ITGB8: variants seen among roughly 807,000 people sequenced by gnomAD.
ITGB8 encodes the protein integrin beta-8.
ITGB8 carries 30 observed loss-of-function variants against 89.5 expected under a neutral mutation model. That is an observed-to-expected ratio of 0.34 (90% CI 0.25 to 0.45). The LOEUF is 0.45. Among genes scored for constraint, ITGB8 ranks in the 20% least tolerant of loss-of-function variants. The probability of loss-of-function intolerance (pLI) is 1.00; values close to 1 mark genes in which losing one functional copy is unlikely to be tolerated. For synonymous variants in ITGB8, 335 were observed against 320.4 expected (o/e 1.05, Z -0.49); for missense variants, 836 against 933.3 (o/e 0.90, Z 1.36).
chr7:20,335,426 T>G (rs1481352947), intron 1 of ITGB8, among the ~76,000 whole-genome samples: 1 of 152,206 alleles, frequency 6.6e-6, no homozygotes, highest in Non-Finnish European at 1.5e-5. Context: ...AAAAACAACA[T>G]GAGTAAATCT....
intron 9 of ITGB8, 98 bp downstream of exon 9, chr7:20,399,092 A>G (rs972772438): frequency 8.2e-6 from 10 of 1,217,920 alleles, no homozygotes; most frequent in Non-Finnish European, 1.1e-5. Context: ...TTTACTTACT[A>G]CTGACTCTAA....
chr7:20,384,345 C>G (rs968655165), intron 6 of ITGB8, among the ~76,000 whole-genome samples: 1 of 152,066 alleles, frequency 6.6e-6, no homozygotes, highest in African/African-American at 2.4e-5. Context: ...ATTAAAAAAC[C>G]CTTTATATGT....
At chr7:20,348,464 T>C (rs1314067984) in intron 1 of ITGB8, among the ~76,000 whole-genome samples, 1 of 152,254 alleles carries the variant, frequency 6.6e-6, no homozygotes, top group Non-Finnish European at 1.5e-5. Flanking sequence ...CTGGCTCCTC[T>C]TGAATTTGTT....
At chr7:20,387,093 T>C (rs1212798179) in intron 6 of ITGB8, among the ~76,000 whole-genome samples, 2 of 152,248 alleles carry the variant, frequency 1.3e-5, no homozygotes, top group African/African-American at 2.4e-5. Flanking sequence ...ATCTCTCTTA[T>C]TAAGCAGTCA....
In ITGB8 at chr7:20,336,171, A is replaced by G. The variant is rs142106196; in HGVS notation, c.127+4238A>G. 1.3e-4 allele frequency among the ~76,000 whole-genome samples: 19 copies of G among 151,594 alleles called. No individual in the cohort carries two copies. The East Asian group carries it at 2.7e-3, about 22-fold the overall frequency. ...CAGGCACCCGCCACCACGCCCGGCTAATTTTTTGTATTTTTAGTAGAGAGG... is the reference window on the plus strand; with the variant it reads ...CAGGCACCCGCCACCACGCCCGGCTGATTTTTTGTATTTTTAGTAGAGAGG... On this transcript the variant is annotated intron_variant, in intron 1 of 13. Coordinates refer to ENST00000222573, the MANE Select transcript of ITGB8 (RefSeq NM_002214.3).
Position 20,410,336 on chromosome 7 carries a change from G to C in ITGB8, c.*339G>C. 4.3e-6 allele frequency: 1 copy of C among 234,148 alleles called. No homozygotes were observed. The highest frequency in any genetic ancestry group is 8.3e-6 in the Non-Finnish European group (1 of 120,322). 14.5% of individuals were successfully genotyped at this position (234,148 alleles called of 1,614,324 possible). On this transcript the variant is annotated 3_prime_UTR_variant, in exon 14 of 14. Coordinates refer to ENST00000222573, the MANE Select transcript of ITGB8 (RefSeq NM_002214.3). The stretch of plus-strand genomic sequence containing the variant: ...CTGTTATCCCTACGCTTCCCAGAGA[G>C]AACAATGCTGTGAGAGAGTTTAGCA...
chr7:20,403,592 G>A (rs1388299624), intron 10 of ITGB8, among the ~76,000 whole-genome samples: 1 of 152,206 alleles, frequency 6.6e-6, no homozygotes, highest in South Asian at 2.1e-4. Flanking sequence ...AGCACAGAGG[G>A]CTTGGCCGAC....
intron 3 of ITGB8, 55 bp downstream of exon 3, chr7:20,367,241 ACTTT>A: frequency 7.6e-7 from 1 of 1,316,458 alleles, no homozygotes; most frequent in Non-Finnish European, 1.1e-6. Flanking sequence ...ATTGCAATTT[ACTTT>A]AATTTGCTCA....
rs1734878558 is a variant in ITGB8, at chr7:20,415,190, CATA to C, written c.*5194_*5196del. On this transcript the variant is annotated 3_prime_UTR_variant, in exon 14 of 14. Transcript: ENST00000222573. ...AATTATAAGAAAATATACATTTGCA[CATA>C]TTAATATAGAAATTCATTTTGTGTA... 2.0e-5 allele frequency: 3 copies of C among 152,254 alleles called. No homozygotes were observed. In the South Asian group the frequency reaches 6.2e-4, roughly 32 times the overall value. The allele number at this position is 152,254 out of a possible 1,614,324, so 9.4% of individuals were successfully genotyped here.
At chr7:20,349,634 T>C (rs1267561841) in intron 1 of ITGB8, among the ~76,000 whole-genome samples, 1 of 152,180 alleles carries the variant, frequency 6.6e-6, no homozygotes, top group Non-Finnish European at 1.5e-5. Context: ...AAATGCCGTA[T>C]ATGCCGTATA....
At chr7:20,391,529 AT>A (rs759860187) in intron 7 of ITGB8, 31 bp downstream of exon 7, 11 of 1,173,562 alleles carry the variant, frequency 9.4e-6, no homozygotes, top group Middle Eastern at 4.0e-4. Flanking sequence ...TTAAAATTAA[AT>A]TTTTTTCATT....
At chr7:20,380,943 A>G (rs1483005829) in intron 5 of ITGB8, 112 bp downstream of exon 5, 9 of 890,504 alleles carry the variant, frequency 1.0e-5, no homozygotes, top group South Asian at 3.3e-5. Flanking sequence ...AGAAGAAAAC[A>G]TATCTTACTA....
intron 9 of ITGB8, among the ~76,000 whole-genome samples, chr7:20,400,826 G>A (rs1036915712): frequency 5.3e-5 from 8 of 151,998 alleles, no homozygotes; most frequent in African/African-American, 1.7e-4. Flanking sequence ...TTTTTCTTTC[G>A]AGTAACATCA....
chr7:20,379,411 A>G (rs373137572), intron 4 of ITGB8, 114 bp downstream of exon 4: 30 of 650,674 alleles, frequency 4.6e-5, no homozygotes, highest in African/African-American at 3.6e-4. Context: ...TAAAATAAGA[A>G]TAAAAATATT....
chr7:20,378,202 A>G (rs1786232160), intron 3 of ITGB8, among the ~76,000 whole-genome samples: 1 of 152,260 alleles, frequency 6.6e-6, no homozygotes, highest in Admixed American at 6.5e-5. Flanking sequence ...GTAATATGAC[A>G]GAGAACTAAA....
chr7:20,343,881 A>C (rs1583469907), intron 1 of ITGB8, among the ~76,000 whole-genome samples: 1 of 152,174 alleles, frequency 6.6e-6, no homozygotes, highest in African/African-American at 2.4e-5. Flanking sequence ...CATCTTTTTA[A>C]TATGTGTGTG....
rs898968422 is a variant in ITGB8, at chr7:20,411,168, T to A, written c.*1171T>A. 1 of 147,640 alleles carries A rather than the reference T, an allele frequency of 6.8e-6. No individual in the cohort carries two copies. Among genetic ancestry groups the A allele is most frequent in the Admixed American group, 6.8e-5 (1 of 14,616 alleles). 9.1% of individuals were successfully genotyped at this position (147,640 alleles called of 1,614,324 possible). On this transcript the variant is annotated 3_prime_UTR_variant, in exon 14 of 14. Transcript: ENST00000222573. ...AAGCTTTTTTTTTTTTTTTTTTTTTTTTTGAGACGGAGTTTCACTCTTGTC... is the reference window on the plus strand; with the variant it reads ...AAGCTTTTTTTTTTTTTTTTTTTTTATTTGAGACGGAGTTTCACTCTTGTC...
intron 6 of ITGB8, among the ~76,000 whole-genome samples, chr7:20,389,132 G>A (rs1183599823): frequency 2.0e-5 from 3 of 152,096 alleles, no homozygotes; most frequent in Admixed American, 2.0e-4. Flanking sequence ...AATCCTTTGG[G>A]TATATACCCA....
At chr7:20,337,448 A>C (rs1490086824) in intron 1 of ITGB8, among the ~76,000 whole-genome samples, 1 of 152,204 alleles carries the variant, frequency 6.6e-6, no homozygotes, top group African/African-American at 2.4e-5. Flanking sequence ...GGAGTTAAAA[A>C]ATAACAACGA....
Sources: allele counts gnomAD v4.1 joint callset (sites outside exome capture counted in the v4.1 genomes callset), GRCh38; gene constraint gnomAD v4.1.1; transcripts MANE v1.5; gene names NCBI Gene and HGNC (gene_info 2026-07-23, HGNC 2026-07-21).